RABGAP1L: variants seen among roughly 807,000 people sequenced by gnomAD.
RABGAP1L encodes the protein rab GTPase-activating protein 1-like.
RABGAP1L carries 63 observed loss-of-function variants against 137.7 expected under a neutral mutation model. That is an observed-to-expected ratio of 0.46 (90% CI 0.37 to 0.56). The LOEUF is 0.56. Ranked by LOEUF, RABGAP1L falls within the 20% of genes least tolerant of loss-of-function variation. The pLI is 0.00. For missense variants in RABGAP1L, 1,095 were observed against 1,244.0 expected (o/e 0.88, Z 1.80); for synonymous variants, 431 against 433.7 (o/e 0.99, Z 0.08).
At chr1:174,176,363 G>A (rs1665849670) in intron 1 of RABGAP1L, among the ~76,000 whole-genome samples, 1 of 152,032 alleles carries the variant, frequency 6.6e-6, no homozygotes, top group Non-Finnish European at 1.5e-5. Context: ...GTAAGGCATT[G>A]GTTCACTGAT....
intron 19 of RABGAP1L, among the ~76,000 whole-genome samples, chr1:174,833,309 C>T (rs984995108): frequency 1.3e-5 from 2 of 150,202 alleles, no homozygotes; most frequent in Middle Eastern, 3.4e-3. Context: ...AAGAGATCCT[C>T]TCATCACAGC....
At chr1:174,504,767 A>G (rs981975603) in intron 13 of RABGAP1L, among the ~76,000 whole-genome samples, 3 of 152,204 alleles carry the variant, frequency 2.0e-5, no homozygotes, top group African/African-American at 7.2e-5. Context: ...CTGTAAAACT[A>G]CTAGAAGACA....
intron 19 of RABGAP1L, among the ~76,000 whole-genome samples, chr1:174,866,209 G>T (rs530264247): frequency 2.2e-5 from 3 of 139,252 alleles, no homozygotes; most frequent in Non-Finnish European, 4.6e-5. Context: ...CAACCATAAC[G>T]TTTATTTTTT....
chr1:174,176,619 G>A (rs1665873158), intron 1 of RABGAP1L, among the ~76,000 whole-genome samples: 1 of 147,652 alleles, frequency 6.8e-6, no homozygotes, highest in South Asian at 2.2e-4. Context: ...GGCTAAGATG[G>A]GAGGATCACT....
chr1:174,800,563 T>C, intron 18 of RABGAP1L: 1 of 1,516,306 alleles, frequency 6.6e-7, no homozygotes. Context: ...GAAAATTCCT[T>C]GTATCTCTGA....
chr1:174,666,859 A>C (rs2148436190), intron 14 of RABGAP1L, among the ~76,000 whole-genome samples: 1 of 152,190 alleles, frequency 6.6e-6, no homozygotes, highest in Non-Finnish European at 1.5e-5. Context: ...TTTCTTTAAT[A>C]ATTTTAAGGT....
chr1:174,454,585 C>G (rs749018230), intron 13 of RABGAP1L, among the ~76,000 whole-genome samples: 2 of 144,416 alleles, frequency 1.4e-5, no homozygotes, highest in Non-Finnish European at 3.0e-5. Flanking sequence ...GAGTCTCGCT[C>G]TGTTGCCCAG....
chr1:174,789,097 C>G (rs1357224888), intron 18 of RABGAP1L, among the ~76,000 whole-genome samples: 2 of 152,112 alleles, frequency 1.3e-5, no homozygotes, highest in East Asian at 3.8e-4. Context: ...ACAGGATACT[C>G]TAAATACCAA....
At chr1:174,300,193 CT>C (rs1677536694) in intron 10 of RABGAP1L, among the ~76,000 whole-genome samples, 1 of 152,174 alleles carries the variant, frequency 6.6e-6, no homozygotes. Flanking sequence ...GTTTACCTCT[CT>C]TTTTCTGGAC....
At chr1:174,969,477 G>T (rs1465730349) in intron 21 of RABGAP1L, 90 bp downstream of exon 21, 1 of 977,934 alleles carries the variant, frequency 1.0e-6, no homozygotes, top group East Asian at 2.6e-5. Flanking sequence ...CTTTGTTCTT[G>T]ACTTTGTTCT....
intron 19 of RABGAP1L, among the ~76,000 whole-genome samples, chr1:174,896,490 T>C (rs1243518040): frequency 6.6e-6 from 1 of 152,208 alleles, no homozygotes; most frequent in African/African-American, 2.4e-5. Flanking sequence ...TTGCTTTTGG[T>C]GTTTTAGACA....
chr1:174,276,812 TTG>T (rs758337686), intron 9 of RABGAP1L, among the ~76,000 whole-genome samples: 1 of 152,104 alleles, frequency 6.6e-6, no homozygotes, highest in Non-Finnish European at 1.5e-5. Flanking sequence ...CGTTGTTCCA[TTG>T]TGTTTTTTCA....
At chr1:174,750,975 C>T (rs903178532) in intron 17 of RABGAP1L, among the ~76,000 whole-genome samples, 1 of 152,038 alleles carries the variant, frequency 6.6e-6, no homozygotes, top group East Asian at 1.9e-4. Flanking sequence ...TAATTGTAAC[C>T]CACATTTTAA....
chr1:174,852,531 C>T (rs115951739), intron 19 of RABGAP1L, among the ~76,000 whole-genome samples: 1,827 of 152,174 alleles, frequency 0.012, 40 homozygotes, highest in African/African-American at 0.042. Flanking sequence ...AAGTGGAACT[C>T]GGCTGGGCAT....
At chr1:174,818,042 T>A (rs1690619088) in intron 19 of RABGAP1L, among the ~76,000 whole-genome samples, 1 of 152,188 alleles carries the variant, frequency 6.6e-6, no homozygotes, top group African/African-American at 2.4e-5. Context: ...GTGGTACATA[T>A]CCACAACTCA....
intron 19 of RABGAP1L, among the ~76,000 whole-genome samples, chr1:174,939,834 C>T (rs370045247): frequency 5.3e-5 from 8 of 152,198 alleles, no homozygotes; most frequent in African/African-American, 1.7e-4. Flanking sequence ...CTGTAACACC[C>T]GTACTTGAGG....
intron 1 of RABGAP1L, among the ~76,000 whole-genome samples, chr1:174,202,927 C>CTT (rs1180257445): frequency 6.6e-6 from 1 of 151,784 alleles, no homozygotes; most frequent in Non-Finnish European, 1.5e-5. Flanking sequence ...CCCATTGCTT[C>CTT]TTTTTGTCAG....
At chr1:174,877,410 ACTGAGCTG>A (rs1558179807) in intron 19 of RABGAP1L, 1 of 1,572,538 alleles carries the variant, frequency 6.4e-7, no homozygotes, top group African/African-American at 1.4e-5. Flanking sequence ...GTACACTGGC[ACTGAGCTG>A]CAGTAGGATT....
At chr1:174,453,805 C>T (rs951240541) in intron 13 of RABGAP1L, among the ~76,000 whole-genome samples, 26 of 152,102 alleles carry the variant, frequency 1.7e-4, no homozygotes, top group Admixed American at 1.7e-3. Context: ...TAGTCTTGCT[C>T]TGTATTTTAA....
Sources: allele counts gnomAD v4.1 joint callset (sites outside exome capture counted in the v4.1 genomes callset), GRCh38; gene constraint gnomAD v4.1.1; transcripts MANE v1.5; gene names NCBI Gene and HGNC (gene_info 2026-07-23, HGNC 2026-07-21).